BPTF: variants seen among roughly 807,000 people sequenced by gnomAD.
The protein encoded by BPTF is bromodomain PHD finger transcription factor.
BPTF carries 18 observed loss-of-function variants against 292.5 expected under a neutral mutation model. That is an observed-to-expected ratio of 0.06 (90% CI 0.04 to 0.09). The LOEUF is 0.09. Among genes scored for constraint, BPTF ranks in the 10% least tolerant of loss-of-function variants. The probability of loss-of-function intolerance (pLI) is 1.00; values close to 1 mark genes in which losing one functional copy is unlikely to be tolerated. For missense variants in BPTF, 2,726 were observed against 3,498.7 expected, an observed-to-expected ratio of 0.78 and a Z score of 5.57; for synonymous variants, 1,225 against 1,251.9, an observed-to-expected ratio of 0.98 and a Z score of 0.45.
At chr17:67,938,091 C>T (rs1268270186) in intron 18 of BPTF, among the ~76,000 whole-genome samples, 2 of 152,208 alleles carry the variant, frequency 1.3e-5, no homozygotes, top group African/African-American at 2.4e-5. Flanking sequence ...GGCAATAGAG[C>T]GAGACTTCAC....
intron 13 of BPTF, 69 bp from the exon 14 acceptor site, chr17:67,922,771 A>G: frequency 5.3e-6 from 8 of 1,504,754 alleles, no homozygotes; most frequent in Non-Finnish European, 7.1e-6. Context: ...TTTTCATGAT[A>G]GAAGATGCCA....
chr17:67,957,299 TAAAA>T (rs1225092425), intron 23 of BPTF: 1 of 151,862 alleles, frequency 6.6e-6, no homozygotes, highest in Non-Finnish European at 1.5e-5. Context: ...AATAAAAAAA[TAAAA>T]AAAATAAAGG....
chr17:67,865,330 T>A (rs1386299590), intron 2 of BPTF, among the ~76,000 whole-genome samples: 2 of 152,244 alleles, frequency 1.3e-5, no homozygotes, highest in Non-Finnish European at 2.9e-5. Context: ...AAATTTTTAT[T>A]CATTTATTAC....
chr17:67,927,767 G>A (rs1257700162), intron 15 of BPTF, among the ~76,000 whole-genome samples: 2 of 152,152 alleles, frequency 1.3e-5, no homozygotes, highest in Admixed American at 1.3e-4. Context: ...GCTATGAACA[G>A]CTTAGTACTT....
intron 24 of BPTF, among the ~76,000 whole-genome samples, chr17:67,962,407 C>T (rs1459596960): frequency 7.2e-5 from 11 of 152,178 alleles, no homozygotes; most frequent in African/African-American, 1.9e-4. Flanking sequence ...ACTGTGTAAG[C>T]GTTTGTTACA....
chr17:67,976,833 G>A (rs537472062), intron 27 of BPTF, among the ~76,000 whole-genome samples: 1 of 152,114 alleles, frequency 6.6e-6, no homozygotes, highest in African/African-American at 2.4e-5. Context: ...CCTGATACTG[G>A]GAATTTAGCA....
intron 21 of BPTF, among the ~76,000 whole-genome samples, chr17:67,946,810 A>G (rs1018271190): frequency 6.6e-6 from 1 of 152,258 alleles, no homozygotes; most frequent in East Asian, 1.9e-4. Flanking sequence ...AAAAAGTGGC[A>G]TCATCCAGCA....
At chr17:67,929,787 G>A (rs766147447) in intron 17 of BPTF, among the ~76,000 whole-genome samples, 9 of 152,150 alleles carry the variant, frequency 5.9e-5, no homozygotes, top group African/African-American at 9.7e-5. Context: ...GACCACCCAC[G>A]GAAGTGTGCT....
At chr17:67,916,765 C>CAAAAAAAA in intron 11 of BPTF, among the ~76,000 whole-genome samples, 2 of 56,380 alleles carry the variant, frequency 3.5e-5, no homozygotes, top group Non-Finnish European at 7.8e-5. Context: ...TACTCTGTCT[C>CAAAAAAAA]AAAAAAAAAA....
chr17:67,937,075 A>G (rs563493458), intron 18 of BPTF, among the ~76,000 whole-genome samples: 14 of 152,352 alleles, frequency 9.2e-5, no homozygotes, highest in Non-Finnish European at 2.1e-4. Context: ...TGGAAAAGGT[A>G]GATAATAATG....
In BPTF at chr17:67,891,883, G is replaced by A. The variant is rs2061140301; in HGVS notation, c.1904G>A (p.Ser635Asn). Residue 635 changes from serine to asparagine, a missense_variant, in exon 5 of 28, where the codon AGT (serine) becomes AAT (asparagine). Physicochemically the swap from Ser to Asn is conservative, Grantham distance 46 (BLOSUM62 1). Transcript: ENST00000306378. ...FKSEKSNGEL[S>N]ESPGAGKGAS... ...TCGGAGAAGTCCAACGGGGAGCTAA[G>A]TGAATCTCCTGGAGCTGGAAAAGGA... The A allele has an allele frequency of 8.1e-6, 13 of 1,610,032 alleles. No individual in the cohort carries two copies. Among genetic ancestry groups the A allele is most frequent in the Non-Finnish European group, 1.1e-5 (13 of 1,178,512 alleles).
At chr17:67,829,601 C>A (rs2056472171) in intron 1 of BPTF, among the ~76,000 whole-genome samples, 1 of 152,002 alleles carries the variant, frequency 6.6e-6, no homozygotes, top group African/African-American at 2.4e-5. Context: ...TTAGTCTGTA[C>A]TTCCTGGAGG....
intron 27 of BPTF, among the ~76,000 whole-genome samples, chr17:67,978,146 A>G (rs2069782510): frequency 1.3e-5 from 2 of 149,132 alleles, no homozygotes; most frequent in African/African-American, 4.9e-5. Context: ...GAGCCACCGC[A>G]CCCGGCCATG....
rs1287447767 is a variant in BPTF, at chr17:67,911,359, A to T, written c.3475A>T (p.Lys1159Ter). 6.2e-7 allele frequency: 1 copy of T among 1,614,116 alleles called. No individual in the cohort carries two copies. The highest frequency in any genetic ancestry group is 1.1e-5 in the South Asian group (1 of 91,060). Residue 1159 changes from lysine to a stop codon, truncating the protein, a stop_gained, in exon 11 of 28, where the codon AAA becomes TAA. Transcript: ENST00000306378. LOFTEE classifies it high-confidence loss of function. ...RMSDPSHTTN[K>*]LYPKDRVLDD... ...GAGTGATCCTAGTCATACCACAAAC[A>T]AACTTTATCCAAAAGATCGAGTGTT...
At chr17:67,903,994 T>C in intron 8 of BPTF, 76 bp downstream of exon 8, 1 of 1,221,248 alleles carries the variant, frequency 8.2e-7, no homozygotes. Context: ...GAATACTTAC[T>C]AATTTTATTT....
chr17:67,836,962 G>C (rs1305251540), intron 1 of BPTF, among the ~76,000 whole-genome samples: 1 of 152,196 alleles, frequency 6.6e-6, no homozygotes, highest in African/African-American at 2.4e-5. Context: ...AAACTTGGAA[G>C]ATTACCTTCT....
At chr17:67,960,663 C>G (rs1157389372) in intron 24 of BPTF, among the ~76,000 whole-genome samples, 1 of 152,196 alleles carries the variant, frequency 6.6e-6, no homozygotes, top group African/African-American at 2.4e-5. Flanking sequence ...AACCACCATA[C>G]TTTTTACAGG....
In BPTF at chr17:67,964,299, G is replaced by A; in HGVS notation, c.8349G>A (p.Glu2783=). 6.2e-7 allele frequency: 1 copy of A among 1,614,200 alleles called. No homozygotes were observed. ...AAAGTGAGGCAGAGCTCATTGATGA[G>A]TATGTCTGTCCACAGTGCCAGTCAA... ...ILQSEAELID[E]YVCPQCQSTE... The change falls in exon 25 of 28, where the codon GAG becomes GAA. Residue 2783 remains glutamate, a synonymous_variant. Coordinates refer to ENST00000306378, the MANE Select transcript of BPTF (RefSeq NM_182641.4).
chr17:67,919,171 CAAAATAATAATAATAAT>C (rs2063256970), intron 12 of BPTF, among the ~76,000 whole-genome samples: 1 of 105,656 alleles, frequency 9.5e-6, no homozygotes, highest in African/African-American at 3.7e-5. Flanking sequence ...GACTCTGTCT[CAAAATAATAATAATAAT>C]AATAATAATA....
Sources: allele counts gnomAD v4.1 joint callset (sites outside exome capture counted in the v4.1 genomes callset), GRCh38; gene constraint gnomAD v4.1.1; transcripts MANE v1.5; gene names NCBI Gene and HGNC (gene_info 2026-07-23, HGNC 2026-07-21).